C10orf53: variants seen among roughly 807,000 people sequenced by gnomAD.
C10orf53 encodes chromosome 10 open reading frame 53.
A neutral mutation model predicts 9.4 loss-of-function variants in C10orf53; 8 were observed. The observed-to-expected ratio is 0.85, with a 90% CI of 0.50 to 1.53. The LOEUF is 1.53. Ranked by LOEUF, C10orf53 falls within the 40% of genes most tolerant of loss-of-function variation. C10orf53 has a pLI of 0.00. For missense variants in C10orf53, 117 were observed against 117.8 expected (o/e 0.99, Z 0.03); for synonymous variants, 48 against 46.0 (o/e 1.04, Z -0.18).
At chr10:49,701,347 G>A (rs1840681373), downstream of C10orf53, among the ~76,000 whole-genome samples, 1 of 152,140 alleles carries the variant, frequency 6.6e-6, no homozygotes, top group African/African-American at 2.4e-5. Context: ...TGCTAAATGG[G>A]GGGAAACTAG....
At chr10:49,699,766 G>A (rs116275553), downstream of C10orf53, among the ~76,000 whole-genome samples, 2,983 of 152,178 alleles carry the variant, frequency 0.02, 117 homozygotes, top group African/African-American at 0.068. Context: ...CAACCATTTG[G>A]TTATGTAAAT....
chr10:49,707,791 T>C (rs764635697), intron 2 of C10orf53, among the ~76,000 whole-genome samples: 6 of 152,110 alleles, frequency 3.9e-5, no homozygotes, highest in Non-Finnish European at 8.8e-5. Flanking sequence ...TCTTGGGAAC[T>C]GTCTTCAGAG....
At chr10:49,682,680 T>C (rs1200884023) in intron 1 of C10orf53, among the ~76,000 whole-genome samples, 1 of 152,150 alleles carries the variant, frequency 6.6e-6, no homozygotes, top group Non-Finnish European at 1.5e-5. Flanking sequence ...GATTGGCTCA[T>C]TTTACAGAGT....
At chr10:49,706,886 G>T (rs1451243913) in intron 2 of C10orf53, among the ~76,000 whole-genome samples, 1 of 152,188 alleles carries the variant, frequency 6.6e-6, no homozygotes, top group Non-Finnish European at 1.5e-5. Flanking sequence ...TCTGGTGTGT[G>T]TATAGTGTGT....
rs993525817 is a variant in C10orf53 at position 49,696,935 on chromosome 10, T to C, written c.*2333T>C. Among the ~76,000 whole-genome samples the C allele has an allele frequency of 1.3e-5, 2 of 152,236 alleles. No homozygotes were observed. The highest frequency in any genetic ancestry group is 2.4e-5 in the African/African-American group (1 of 41,462). ...GGCCGGGCACTATGGCTTTTGCCTG[T>C]AATCCCAGCACTTTGGGAATCCAAG... On this transcript the variant is annotated 3_prime_UTR_variant, in exon 3 of 3. Transcript: ENST00000374111.
Position 49,705,164 on chromosome 10 carries a change from G to C in C10orf53, c.218-3197G>C, listed in dbSNP as rs184060730. On this transcript the variant is annotated intron_variant, in intron 2 of 2. Coordinates refer to the C10orf53 transcript ENST00000374112. ...ATATTGCTAAGGTCAAAAAAGTATGGTGTGGAGGAATATATATACTGTATG... is the reference window on the plus strand; with the variant it reads ...ATATTGCTAAGGTCAAAAAAGTATGCTGTGGAGGAATATATATACTGTATG... 1.3e-3 allele frequency among the ~76,000 whole-genome samples: 191 copies of C among 152,294 alleles called. 1 individual carries two copies. The highest frequency in any genetic ancestry group is 2.5e-3 in the African/African-American group (102 of 41,558).
At position 49,696,769 on chromosome 10, in the gene C10orf53, G is replaced by A. The variant is rs928554879; in HGVS notation, c.*2167G>A. ...CTGAGCAGTGGGATTGGGGGGTGTGGGGGGCAGGTGAGGTAGAGGGAGGAA... is the reference window on the plus strand; with the variant it reads ...CTGAGCAGTGGGATTGGGGGGTGTGAGGGGCAGGTGAGGTAGAGGGAGGAA... On this transcript the variant is annotated 3_prime_UTR_variant, in exon 3 of 3. Transcript: ENST00000374111. 1.3e-5 allele frequency among the ~76,000 whole-genome samples: 2 copies of A among 152,134 alleles called. No individual in the cohort carries two copies. Among genetic ancestry groups the A allele is most frequent in the African/African-American group, 4.8e-5 (2 of 41,418 alleles).
intron 1 of C10orf53, among the ~76,000 whole-genome samples, chr10:49,681,083 C>T (rs1345336530): frequency 6.6e-6 from 1 of 152,150 alleles, no homozygotes; most frequent in Non-Finnish European, 1.5e-5. Flanking sequence ...TGGGCTTATC[C>T]AGGTATTAAG....
At chr10:49,705,196 G>GA (rs34714821) in intron 2 of C10orf53, among the ~76,000 whole-genome samples, 1 of 152,100 alleles carries the variant, frequency 6.6e-6, no homozygotes. Flanking sequence ...TATGATTTAT[G>GA]AAAAAATGAG....
intron 1 of C10orf53, among the ~76,000 whole-genome samples, chr10:49,691,007 C>T (rs189644290): frequency 2.0e-5 from 3 of 152,354 alleles, no homozygotes; most frequent in Admixed American, 6.5e-5. Context: ...GGTGCCACTT[C>T]AAAGAGGCAG....
At chr10:49,704,160 G>A (rs1249922381) in intron 2 of C10orf53, among the ~76,000 whole-genome samples, 33 of 152,136 alleles carry the variant, frequency 2.2e-4, no homozygotes, top group Non-Finnish European at 1.5e-5. Context: ...CAAAGACATA[G>A]AAGAAAAAAA....
Position 49,695,706 on chromosome 10 carries a change from G to A in C10orf53, c.*1104G>A, listed in dbSNP as rs1358028916. ...GTTCCTTCTCACACAGGACAAAGTAGGGGATATAATTTTTAAAACCCCAGC... is the reference window on the plus strand; with the variant it reads ...GTTCCTTCTCACACAGGACAAAGTAAGGGATATAATTTTTAAAACCCCAGC... On this transcript the variant is annotated 3_prime_UTR_variant, in exon 3 of 3. Coordinates refer to ENST00000374111, the MANE Select transcript of C10orf53 (RefSeq NM_001042427.3). 6.6e-6 allele frequency: 1 copy of A among 152,232 alleles called. No homozygotes were observed. Among genetic ancestry groups the A allele is most frequent in the African/African-American group, 2.4e-5 (1 of 41,450 alleles). 9.4% of individuals were successfully genotyped at this position (152,232 alleles called of 1,614,324 possible). A position where few individuals can be genotyped will look rare whatever the true frequency, so the allele number is the denominator to read the frequency against.
At chr10:49,699,190 CTTTTTTTT>C (rs67695235), downstream of C10orf53, among the ~76,000 whole-genome samples, 2 of 64,890 alleles carry the variant, frequency 3.1e-5, no homozygotes, top group African/African-American at 1.4e-4. Context: ...GTGGCTCAAT[CTTTTTTTT>C]TTTTTTTTTT....
At position 49,679,787 on chromosome 10, in the gene C10orf53, C is replaced by A; in HGVS notation, c.90C>A (p.Gly30=). 1 of 1,539,046 alleles carries A rather than the reference C, an allele frequency of 6.5e-7. No homozygotes were observed. The highest frequency in any genetic ancestry group is 8.8e-7 in the Non-Finnish European group (1 of 1,142,842). Residue 30 remains glycine (G), a synonymous_variant, in exon 1 of 3, where the codon GGC becomes GGA. Transcript: ENST00000374111. Reference sequence around the variant, plus strand: ...AGCACCACACCTTCCGCCTGCAGGGCCTGCAAGGTGGGCCTCCTCGCCGCG... The same window carrying A: ...AGCACCACACCTTCCGCCTGCAGGGACTGCAAGGTGGGCCTCCTCGCCGCG... ...PVEHHTFRLQ[G]LQAVLAIDGH...
At chr10:49,681,917 A>G (rs1021146556) in intron 1 of C10orf53, among the ~76,000 whole-genome samples, 2 of 152,208 alleles carry the variant, frequency 1.3e-5, no homozygotes, top group Non-Finnish European at 2.9e-5. Context: ...AAGGGGGGCA[A>G]CAATTCAATT....
At chr10:49,690,809 C>T (rs975668152) in intron 1 of C10orf53, among the ~76,000 whole-genome samples, 2 of 152,190 alleles carry the variant, frequency 1.3e-5, no homozygotes, top group Admixed American at 6.5e-5. Flanking sequence ...TATGCATCAG[C>T]GGCCCTTGCG....
chr10:49,683,624 C>T lies in C10orf53; in HGVS notation c.97+3830C>T, dbSNP rs183296886. Reference sequence around the variant, plus strand: ...GCATGGTGGCTCATACCTGTAATGCCTGCACTTTGGGAGGCTGAGGCAGGT... The same window carrying T: ...GCATGGTGGCTCATACCTGTAATGCTTGCACTTTGGGAGGCTGAGGCAGGT... On this transcript the variant is annotated intron_variant, in intron 1 of 2. Transcript: ENST00000374111. 2.5e-3 allele frequency among the ~76,000 whole-genome samples: 379 copies of T among 152,226 alleles called. 2 individuals are homozygous for T. Among genetic ancestry groups the T allele is most frequent in the African/African-American group, 8.8e-3 (365 of 41,542 alleles).
intron 1 of C10orf53, among the ~76,000 whole-genome samples, chr10:49,689,185 G>C: frequency 6.6e-6 from 1 of 152,194 alleles, no homozygotes; most frequent in East Asian, 1.9e-4. Flanking sequence ...GAGATGGCAG[G>C]ATGATGAGAC....
At chr10:49,699,609 T>C (rs965685398), downstream of C10orf53, among the ~76,000 whole-genome samples, 1 of 152,110 alleles carries the variant, frequency 6.6e-6, no homozygotes, top group African/African-American at 2.4e-5. Context: ...GGATGCTCCT[T>C]GCAGGGGGCA....
Sources: gnomAD v4.1 joint callset for allele counts (sites outside exome capture counted in the v4.1 genomes callset) on GRCh38, gnomAD v4.1.1 for gene constraint, MANE v1.5 for transcripts, NCBI Gene and HGNC (gene_info 2026-07-23, HGNC 2026-07-21) for gene names.